Variants in MOXD1 observed in about 807,000 individuals in gnomAD.
MOXD1 encodes the protein monooxygenase DBH like 1, also known as DBH-like monooxygenase protein 1.
In MOXD1, 62 loss-of-function variants were observed where a neutral mutation model predicts 66.6. That is an observed-to-expected ratio of 0.93 (90% CI 0.76 to 1.15). The LOEUF (loss-of-function observed/expected upper bound fraction) is 1.15, where lower values mean the gene tolerates loss of function less well. MOXD1 is among the 50% of genes most tolerant of loss of function. The pLI, the probability that MOXD1 is intolerant of heterozygous loss-of-function variation, is 0.00. For missense variants in MOXD1, 847 were observed against 754.6 expected (o/e 1.12, Z -1.44); for synonymous variants, 303 against 281.9 (o/e 1.07, Z -0.75).
At chr6:132,372,288 A>T (rs896302278) in intron 4 of MOXD1, among the ~76,000 whole-genome samples, 3 of 152,200 alleles carry the variant, frequency 2.0e-5, no homozygotes, top group Non-Finnish European at 4.4e-5. Context: ...ATCAATACGT[A>T]AACATACTAT....
rs1212101106 is a variant in MOXD1 at position 132,297,958 on chromosome 6, G to A, written c.1509-3C>T. 1.2e-6 allele frequency: 2 copies of A among 1,601,622 alleles called. No homozygotes were observed. Among genetic ancestry groups the A allele is most frequent in the Admixed American group, 1.8e-5 (1 of 57,106 alleles). ...TTTTGATAATGAAAGGCCAGGTCCT[G>A]AATTTAAAAGACACAGTTAGTCATA... On this transcript the variant is annotated splice_polypyrimidine_tract_variant and splice_region_variant and intron_variant, in intron 10 of 11. Coordinates refer to ENST00000367963, the MANE Select transcript of MOXD1 (RefSeq NM_015529.4).
Position 132,325,834 on chromosome 6 carries a change from C to T in MOXD1, c.947-1737G>A, listed in dbSNP as rs533015271. Among the ~76,000 whole-genome samples, 7 of 152,298 alleles carry T rather than the reference C, an allele frequency of 4.6e-5. 1 individual carries two copies. The highest frequency in any genetic ancestry group is 1.4e-4 in the African/African-American group (6 of 41,564). On this transcript the variant is annotated intron_variant, in intron 6 of 11. Transcript: ENST00000367963. The stretch of plus-strand genomic sequence containing the variant: ...GTGCTCAATAAATGGCAGCTAGTCA[C>T]ACGTACAGTGGTCACACATCTACCA...
At chr6:132,340,638 ATTTTTTTTTTTTTT>A (rs869205496) in intron 4 of MOXD1, among the ~76,000 whole-genome samples, 4 of 98,808 alleles carry the variant, frequency 4.0e-5, no homozygotes, top group African/African-American at 1.3e-4. Flanking sequence ...AACAAGACTC[ATTTTTTTTTTTTTT>A]TTTTTTTTTT....
intron 1 of MOXD1, among the ~76,000 whole-genome samples, chr6:132,379,183 CA>C (rs2114673070): frequency 6.6e-6 from 1 of 151,916 alleles, no homozygotes; most frequent in East Asian, 1.9e-4. Context: ...AATAATATAG[CA>C]TGATCATGCA....
chr6:132,337,652 A>C (rs1775468098), intron 4 of MOXD1, among the ~76,000 whole-genome samples: 1 of 152,256 alleles, frequency 6.6e-6, no homozygotes, highest in African/African-American at 2.4e-5. Flanking sequence ...TCCTTTGGCC[A>C]AACACTTCAA....
At chr6:132,348,386 C>T (rs1775708899) in intron 4 of MOXD1, among the ~76,000 whole-genome samples, 1 of 152,204 alleles carries the variant, frequency 6.6e-6, no homozygotes, top group Admixed American at 6.5e-5. Flanking sequence ...AGTGTTCCCA[C>T]TGGGTACTCA....
Position 132,297,133 on chromosome 6 carries a change from C to T in MOXD1, c.*20G>A, listed in dbSNP as rs1774419444. ...AGGTTCAGATCATAGAAAACATTGT[C>T]AAGTCCAACAGAATTTTGATCACAA... is the stretch of plus-strand genomic sequence containing the variant. On this transcript the variant is annotated 3_prime_UTR_variant, in exon 12 of 12. Transcript: ENST00000367963. The T allele has an allele frequency of 6.2e-7, 1 of 1,610,900 alleles. No individual in the cohort carries two copies. Among genetic ancestry groups the T allele is most frequent in the South Asian group, 1.1e-5 (1 of 90,774 alleles).
At chr6:132,395,598 A>T (rs985493378) in intron 1 of MOXD1, among the ~76,000 whole-genome samples, 1 of 152,186 alleles carries the variant, frequency 6.6e-6, no homozygotes, top group Non-Finnish European at 1.5e-5. Context: ...GAATGGGTTA[A>T]AAAACATGAC....
At chr6:132,361,956 A>C (rs1269466238) in intron 4 of MOXD1, among the ~76,000 whole-genome samples, 1 of 152,164 alleles carries the variant, frequency 6.6e-6, no homozygotes, top group African/African-American at 2.4e-5. Context: ...CCTCTGATTT[A>C]TGAGTTTTAT....
intron 4 of MOXD1, among the ~76,000 whole-genome samples, chr6:132,340,045 T>C (rs538596211): frequency 2.0e-5 from 3 of 152,202 alleles, no homozygotes; most frequent in East Asian, 1.9e-4. Context: ...AATTTTTGTA[T>C]TTTTAGTAGA....
At chr6:132,372,808 C>G (rs966183428) in intron 3 of MOXD1, 22 bp downstream of exon 3, 1 of 1,612,454 alleles carries the variant, frequency 6.2e-7, no homozygotes, top group Admixed American at 1.7e-5. Flanking sequence ...TCCCTACAAT[C>G]ATAAAACCTG....
chr6:132,393,461 G>A (rs1324158477), intron 1 of MOXD1, among the ~76,000 whole-genome samples: 1 of 152,196 alleles, frequency 6.6e-6, no homozygotes, highest in African/African-American at 2.4e-5. Flanking sequence ...GGATCAGCTG[G>A]GAGCCCGGAG....
chr6:132,340,855 C>A (rs1446183815), intron 4 of MOXD1, among the ~76,000 whole-genome samples: 1 of 151,770 alleles, frequency 6.6e-6, no homozygotes, highest in Non-Finnish European at 1.5e-5. Context: ...ATCGTGTTAG[C>A]CAGAATGGTC....
chr6:132,393,123 C>T (rs930310805), intron 1 of MOXD1, among the ~76,000 whole-genome samples: 90 of 151,768 alleles, frequency 5.9e-4, no homozygotes, highest in Middle Eastern at 3.4e-3. Context: ...AAATTACCAA[C>T]TGCTTCCAAC....
chr6:132,378,089 C>T lies in MOXD1; in HGVS notation c.265-3312G>A, dbSNP rs192839070. ...CGGAGGTTGCAGTGAACCAAGTTTG[C>T]GCCATTGCACTCCAGCCTGAGTGAC... On this transcript the variant is annotated intron_variant, in intron 1 of 11. Coordinates refer to ENST00000367963, the MANE Select transcript of MOXD1 (RefSeq NM_015529.4). Among the ~76,000 whole-genome samples the T allele has an allele frequency of 3.5e-4, 53 of 152,096 alleles. No homozygotes were observed. In the East Asian group the frequency reaches 4.6e-3, roughly 13 times the overall value.
intron 1 of MOXD1, among the ~76,000 whole-genome samples, 156 bp downstream of exon 1, chr6:132,401,007 T>C (rs1371281767): frequency 1.3e-5 from 2 of 152,150 alleles, no homozygotes; most frequent in African/African-American, 4.8e-5. Flanking sequence ...GAGCAGGCGC[T>C]GCCCGCGGAG....
At chr6:132,359,265 A>AT (rs1392239753) in intron 4 of MOXD1, among the ~76,000 whole-genome samples, 1 of 151,726 alleles carries the variant, frequency 6.6e-6, no homozygotes, top group African/African-American at 2.4e-5. Flanking sequence ...TACCAGCTAA[A>AT]TTTTTTAAAT....
chr6:132,305,289 C>T (rs948116041), intron 10 of MOXD1, among the ~76,000 whole-genome samples: 4 of 152,250 alleles, frequency 2.6e-5, no homozygotes, highest in Non-Finnish European at 5.9e-5. Context: ...CCTGACCCAT[C>T]CTTCCTCACT....
At position 132,384,438 on chromosome 6, in the gene MOXD1, A is replaced by C. The variant is rs369843831; in HGVS notation, c.265-9661T>G. Among the ~76,000 whole-genome samples the C allele has an allele frequency of 2.0e-5, 3 of 152,206 alleles. No homozygotes were observed. In the East Asian group the frequency reaches 5.8e-4, roughly 29 times the overall value. Reference sequence around the variant, plus strand: ...TACATGACTATACTGGACAGTAGACAATGGAACTTATAGTTTAGTTGGGGG... The same window carrying C: ...TACATGACTATACTGGACAGTAGACCATGGAACTTATAGTTTAGTTGGGGG... On this transcript the variant is annotated intron_variant, in intron 1 of 11. Coordinates refer to ENST00000367963, the MANE Select transcript of MOXD1 (RefSeq NM_015529.4).
Sources: allele counts gnomAD v4.1 joint callset (sites outside exome capture counted in the v4.1 genomes callset), GRCh38; gene constraint gnomAD v4.1.1; transcripts MANE v1.5; gene names NCBI Gene and HGNC (gene_info 2026-07-23, HGNC 2026-07-21).